Variants in MINDY4 observed in about 807,000 individuals in gnomAD.
MINDY4 encodes the protein MINDY lysine 48 deubiquitinase 4, also known as probable ubiquitin carboxyl-terminal hydrolase MINDY-4.
MINDY4 carries 68 observed loss-of-function variants against 87.0 expected under a neutral mutation model. The ratio of observed to expected loss-of-function variants is 0.78; its 90% CI spans 0.64 to 0.96. MINDY4 has a LOEUF of 0.96. MINDY4 is among the 40% of genes least tolerant of loss of function. The probability of loss-of-function intolerance (pLI) is 0.00; values close to 1 mark genes in which losing one functional copy is unlikely to be tolerated. For synonymous variants in MINDY4, 379 were observed against 363.2 expected (o/e 1.04, Z -0.50); for missense variants, 919 against 928.2 (o/e 0.99, Z 0.13).
intron 13 of MINDY4, among the ~76,000 whole-genome samples, chr7:30,868,287 T>C (rs1790000263): frequency 6.6e-6 from 1 of 152,144 alleles, no homozygotes; most frequent in Non-Finnish European, 1.5e-5. Context: ...ATGTTGGTAC[T>C]AGGGACAGAG....
At chr7:30,835,149 A>G (rs1788819281) in intron 6 of MINDY4, among the ~76,000 whole-genome samples, 1 of 152,164 alleles carries the variant, frequency 6.6e-6, no homozygotes, top group African/African-American at 2.4e-5. Flanking sequence ...TGATAAAGAT[A>G]CTCCTGAGAC....
At chr7:30,849,466 G>C (rs1232534254) in intron 9 of MINDY4, among the ~76,000 whole-genome samples, 2 of 152,210 alleles carry the variant, frequency 1.3e-5, no homozygotes, top group African/African-American at 4.8e-5. Context: ...ATATTCGGCT[G>C]TTTCCCTTCC....
intron 5 of MINDY4, among the ~76,000 whole-genome samples, chr7:30,817,888 G>A (rs2128559928): frequency 1.3e-5 from 2 of 152,304 alleles, no homozygotes; most frequent in Admixed American, 1.3e-4. Flanking sequence ...AGAGTGGTAG[G>A]AGTGCCGAAT....
chr7:30,854,551 G>T (rs1029456488), intron 12 of MINDY4, among the ~76,000 whole-genome samples: 1 of 152,058 alleles, frequency 6.6e-6, no homozygotes, highest in Admixed American at 6.5e-5. Context: ...TGGTGTGCTG[G>T]CTGGTCCCTG....
chr7:30,859,257 T>A lies in MINDY4; in HGVS notation c.1678T>A (p.Phe560Ile), dbSNP rs760131478. The part of the protein sequence containing the change: ...VTFLQQSIHQ[F>I]EVGPYGCILL... ...GCTCATTTTTCTCTCCCCCTCCCAG[T>A]TTGAAGTGGGCCCCTATGGCTGCAT... Residue 560 changes from phenylalanine to isoleucine, a missense_variant and splice_region_variant, in exon 13 of 18, where the codon TTT becomes ATT. By Grantham distance (21) the Phe-to-Ile change is conservative. Transcript: ENST00000265299. 4 of 1,613,886 alleles carry A rather than the reference T, an allele frequency of 2.5e-6. No homozygotes were observed. Among genetic ancestry groups the A allele is most frequent in the Non-Finnish European group, 3.4e-6 (4 of 1,179,870 alleles).
chr7:30,796,140 A>G (rs961694005), intron 5 of MINDY4, among the ~76,000 whole-genome samples: 1 of 149,732 alleles, frequency 6.7e-6, no homozygotes, highest in African/African-American at 2.5e-5. Context: ...TTTTTGTCTC[A>G]CTATGGTTTT....
rs530825691 is a variant in MINDY4, at chr7:30,846,163, C to T, written c.1446-4291C>T. ...GCCTCTGTGGACATTGGTAGCAGAA[C>T]CTATGGTCCTGCAGCCCCAGGCCAG... On this transcript the variant is annotated intron_variant, in intron 9 of 17. Transcript: ENST00000265299. Among the ~76,000 whole-genome samples the T allele has an allele frequency of 8.0e-4, 122 of 152,276 alleles. 2 individuals carry two copies. The highest frequency in any genetic ancestry group is 2.6e-3 in the African/African-American group (109 of 41,562).
At chr7:30,829,640 G>A (rs1788635078) in intron 6 of MINDY4, among the ~76,000 whole-genome samples, 2 of 152,210 alleles carry the variant, frequency 1.3e-5, no homozygotes, top group Admixed American at 1.3e-4. Context: ...GGAGGTGGAG[G>A]TGGGGGTTTG....
Position 30,776,858 on chromosome 7 carries a change from A to G in MINDY4, c.64-1574A>G, listed in dbSNP as rs553399339. 5.3e-5 allele frequency among the ~76,000 whole-genome samples: 8 copies of G among 152,290 alleles called. No homozygotes were observed. The South Asian group carries it at 1.2e-3, about 24-fold the overall frequency. On this transcript the variant is annotated intron_variant, in intron 1 of 17. Coordinates refer to ENST00000265299, the MANE Select transcript of MINDY4 (RefSeq NM_032222.3). ...CTGCATCTAGAACAGAGCCTGGCAC[A>G]TAGGAGGTGCATGACAGGTGTTTGT...
intron 3 of MINDY4, 61 bp from the exon 4 acceptor site, chr7:30,785,688 T>C (rs1226125460): frequency 1.3e-6 from 2 of 1,587,578 alleles, no homozygotes; most frequent in Non-Finnish European, 1.7e-6. Context: ...TGGAATTTGC[T>C]ATCTTTGTTA....
chr7:30,875,421 TC>T lies in MINDY4; in HGVS notation c.1810-70del, dbSNP rs1405005666. ...CTTCCTTCTCCACCCTTTTTGTCTT[TC>T]CCCAGTCTCCTCTCCACTCTTTCAG... On this transcript the variant is annotated intron_variant, in intron 14 of 17. Transcript: ENST00000265299. 5 of 1,535,822 alleles carry T rather than the reference TC, an allele frequency of 3.3e-6. No individual in the cohort carries two copies. In the African/African-American group the frequency reaches 6.8e-5, roughly 21 times the overall value.
In MINDY4 at chr7:30,844,210, C is replaced by T. The variant is rs1341312093; in HGVS notation, c.1445+3362C>T. ...CTTCCTGCTCCCACAGACCTCCTAG[C>T]AGGCCTCAGGGGACATTCTTCAGAC... On this transcript the variant is annotated intron_variant, in intron 9 of 17. Coordinates refer to ENST00000265299, the MANE Select transcript of MINDY4 (RefSeq NM_032222.3). 2.0e-5 allele frequency among the ~76,000 whole-genome samples: 3 copies of T among 152,196 alleles called. No individual in the cohort carries two copies. The East Asian group carries it at 5.8e-4, about 29-fold the overall frequency.
rs1410507757 is a variant in MINDY4 at position 30,889,829 on chromosome 7, G to A, written c.2226-2128G>A. ...ATGAAAGTGTTATCATATACCTCTT[G>A]TCACAGGTTAGACTGGGAATGGATC... On this transcript the variant is annotated intron_variant, in intron 17 of 17. Transcript: ENST00000265299. 3.3e-5 allele frequency among the ~76,000 whole-genome samples: 5 copies of A among 150,784 alleles called. No individual in the cohort carries two copies. The East Asian group carries it at 9.6e-4, about 29-fold the overall frequency.
At chr7:30,791,688 A>C in intron 5 of MINDY4, 114 bp downstream of exon 5, 5 of 1,174,080 alleles carry the variant, frequency 4.3e-6, no homozygotes, top group African/African-American at 1.6e-5. Context: ...GTCTCTCAGA[A>C]CAAGCCTGCG....
At chr7:30,784,030 C>G (rs1417991458) in intron 3 of MINDY4, among the ~76,000 whole-genome samples, 2 of 152,128 alleles carry the variant, frequency 1.3e-5, no homozygotes, top group Non-Finnish European at 2.9e-5. Context: ...CTTCTGGTTC[C>G]ATTGAAAAGC....
chr7:30,798,463 T>C (rs1443245259), intron 5 of MINDY4, among the ~76,000 whole-genome samples: 1 of 152,004 alleles, frequency 6.6e-6, no homozygotes, highest in Non-Finnish European at 1.5e-5. Context: ...TCATGGTCAT[T>C]GGGCCATAAT....
intron 17 of MINDY4, 123 bp downstream of exon 17, chr7:30,883,116 G>T: frequency 2.2e-6 from 2 of 900,640 alleles, no homozygotes; most frequent in East Asian, 2.5e-5. Context: ...TCAAAGAGGT[G>T]TGGTGATTGG....
rs150052131 is a variant in MINDY4, at chr7:30,820,530, C to A, written c.1074-8149C>A. 1.5e-3 allele frequency among the ~76,000 whole-genome samples: 236 copies of A among 152,276 alleles called. 2 individuals carry two copies. Among genetic ancestry groups the A allele is most frequent in the African/African-American group, 5.6e-3 (232 of 41,550 alleles). ...TAAGCAGTTTTTCTCCATTCCTCCCCCAACCCCCAGTCTCTGGCAACTACC... is the reference window on the plus strand; with the variant it reads ...TAAGCAGTTTTTCTCCATTCCTCCCACAACCCCCAGTCTCTGGCAACTACC... On this transcript the variant is annotated intron_variant, in intron 5 of 17. Coordinates refer to ENST00000265299, the MANE Select transcript of MINDY4 (RefSeq NM_032222.3).
rs372001411 is a variant in MINDY4, at chr7:30,785,993, G to C, written c.663+1G>C. 3 of 1,613,786 alleles carry C rather than the reference G, an allele frequency of 1.9e-6. No individual in the cohort carries two copies. Among genetic ancestry groups the C allele is most frequent in the Non-Finnish European group, 2.5e-6 (3 of 1,179,928 alleles). ...TGGGCCCATCGCCAGCTCCCCACAG[G>C]TGGGGCTGTTGCTCTTTCTGTTGTT... On this transcript the variant is annotated splice_donor_variant, in intron 4 of 17. Coordinates refer to ENST00000265299, the MANE Select transcript of MINDY4 (RefSeq NM_032222.3). LOFTEE classifies it high-confidence loss of function.
Sources: gnomAD v4.1 joint callset for allele counts (sites outside exome capture counted in the v4.1 genomes callset) on GRCh38, gnomAD v4.1.1 for gene constraint, MANE v1.5 for transcripts, NCBI Gene and HGNC (gene_info 2026-07-23, HGNC 2026-07-21) for gene names.